The following SLC36A1 variants were observed in gnomAD, a reference collection of about 807,000 sequenced individuals.
SLC36A1 encodes proton-coupled amino acid transporter 1.
Under a neutral mutation model 47.5 loss-of-function variants are expected in SLC36A1, and 30 were observed. The observed-to-expected ratio is 0.63, with a 90% CI of 0.47 to 0.86. The LOEUF is 0.86. Among genes scored for constraint, SLC36A1 ranks in the 40% least tolerant of loss-of-function variants. SLC36A1 has a pLI of 0.00. For synonymous variants in SLC36A1, 255 were observed against 249.7 expected (o/e 1.02, Z -0.20); for missense variants, 517 against 606.0 (o/e 0.85, Z 1.54).
At chr5:151,351,655 T>TATC in the SLC36A1 span, among the ~76,000 whole-genome samples, 11 of 151,926 alleles carry the variant, frequency 7.2e-5, no homozygotes, top group African/African-American at 2.4e-4. Context: ...TAATGACAGT[T>TATC]ATCATCATCA....
At chr5:151,372,123 C>T in the SLC36A1 span, among the ~76,000 whole-genome samples, 13 of 152,244 alleles carry the variant, frequency 8.5e-5, no homozygotes, top group South Asian at 1.2e-3. Context: ...CCCTAGTTTC[C>T]GTAATTCCAA....
At chr5:151,456,095 T>C (rs1754459533) in intron 1 of SLC36A1, among the ~76,000 whole-genome samples, 1 of 152,244 alleles carries the variant, frequency 6.6e-6, no homozygotes, top group Non-Finnish European at 1.5e-5. Context: ...AAAAGTTTCT[T>C]TTCTTTCTCA....
chr5:151,355,013 C>T, the SLC36A1 span, among the ~76,000 whole-genome samples: 3 of 152,106 alleles, frequency 2.0e-5, no homozygotes, highest in Non-Finnish European at 2.9e-5. Flanking sequence ...CATGGTAAGT[C>T]CTCCCTACTG....
At chr5:151,386,910 T>C in the SLC36A1 span, among the ~76,000 whole-genome samples, 1 of 152,268 alleles carries the variant, frequency 6.6e-6, no homozygotes, top group African/African-American at 2.4e-5. Context: ...CTAACCAATG[T>C]GCTTCTCTTA....
At chr5:151,406,473 C>T in the SLC36A1 span, 11 of 152,382 alleles carry the variant, frequency 7.2e-5, no homozygotes, top group Admixed American at 2.6e-4. Flanking sequence ...ACTTCAGTAC[C>T]TTCAAAGGCA....
chr5:151,529,204 C>T, the SLC36A1 span: 7 of 1,614,002 alleles, frequency 4.3e-6, no homozygotes, highest in African/African-American at 8.0e-5. Context: ...CCCACAAGGG[C>T]ATTCTCTAAG....
the SLC36A1 span, chr5:151,347,201 G>T: frequency 6.8e-7 from 1 of 1,466,554 alleles, no homozygotes; most frequent in Non-Finnish European, 9.5e-7. Flanking sequence ...CATCTGCACA[G>T]TGGGTTGAGG....
intron 10 of SLC36A1, among the ~76,000 whole-genome samples, chr5:151,486,316 A>G (rs1759535186): frequency 6.6e-6 from 1 of 152,124 alleles, no homozygotes; most frequent in African/African-American, 2.4e-5. Context: ...ACTTCCCACC[A>G]GGCCCCACCT....
the SLC36A1 span, among the ~76,000 whole-genome samples, chr5:151,362,726 T>TCA: frequency 2.6e-5 from 4 of 152,208 alleles, no homozygotes; most frequent in African/African-American, 7.2e-5. Flanking sequence ...GACTCTCTGA[T>TCA]GAGTTTTTCA....
intron 7 of SLC36A1, among the ~76,000 whole-genome samples, chr5:151,469,686 A>G (rs887216710): frequency 8.5e-5 from 13 of 152,110 alleles, no homozygotes; most frequent in African/African-American, 3.1e-4. Flanking sequence ...TCCTAATTTC[A>G]TAGAGACTCC....
intron 9 of SLC36A1, 33 bp from the exon 10 acceptor site, chr5:151,479,287 C>G (rs1387110886): frequency 1.2e-6 from 2 of 1,606,790 alleles, no homozygotes; most frequent in African/African-American, 1.3e-5. Flanking sequence ...GTGTGCTGAG[C>G]AGGCTTGGAA....
At chr5:151,486,726 A>G (rs1228366796) in intron 10 of SLC36A1, among the ~76,000 whole-genome samples, 1 of 152,214 alleles carries the variant, frequency 6.6e-6, no homozygotes, top group African/African-American at 2.4e-5. Flanking sequence ...GAGGTAGTAG[A>G]TAAGCTCTGG....
At chr5:151,494,922 TA>T (rs1028349876), downstream of SLC36A1, among the ~76,000 whole-genome samples, 2 of 152,168 alleles carry the variant, frequency 1.3e-5, no homozygotes, top group Non-Finnish European at 2.9e-5. Flanking sequence ...TATTTAATTA[TA>T]AAAAAATTAC....
At chr5:151,459,030 C>CCTG in intron 2 of SLC36A1, 95 bp downstream of exon 2, 1 of 1,382,194 alleles carries the variant, frequency 7.2e-7, no homozygotes, top group Admixed American at 2.1e-5. Flanking sequence ...CAGTCCTCCA[C>CCTG]TTTACAGATG....
the SLC36A1 span, chr5:151,531,490 G>A: frequency 1.3e-6 from 2 of 1,492,432 alleles, no homozygotes; most frequent in East Asian, 2.3e-5. This position sits in a 1 kb window ranked among gnomAD's most constrained non-coding sequence, Gnocchi z 5.7. Context: ...TGCTCTGGGA[G>A]GCGCTGCACA....
the SLC36A1 span, among the ~76,000 whole-genome samples, chr5:151,516,564 T>C: frequency 6.6e-6 from 1 of 152,170 alleles, no homozygotes; most frequent in Non-Finnish European, 1.5e-5. Context: ...CTGATGCCCC[T>C]CCATTTTTTC....
At chr5:151,366,588 G>C in the SLC36A1 span, 1 of 200,912 alleles carries the variant, frequency 5.0e-6, no homozygotes, top group South Asian at 7.8e-5. Context: ...TGAGGGGCAG[G>C]GTGCTGCTGC....
chr5:151,494,465 C>T (rs1760283852), downstream of SLC36A1, among the ~76,000 whole-genome samples: 1 of 152,220 alleles, frequency 6.6e-6, no homozygotes, highest in South Asian at 2.1e-4. Context: ...ATCCCATCCT[C>T]ACACCACTCA....
At chr5:151,438,216 G>A (rs922814203) in intron 1 of SLC36A1, among the ~76,000 whole-genome samples, 6 of 152,182 alleles carry the variant, frequency 3.9e-5, no homozygotes, top group Non-Finnish European at 7.3e-5. Context: ...TTCACTGTGT[G>A]CCCGTTGTTC....
Sources: gnomAD v4.1 joint callset for allele counts (sites outside exome capture counted in the v4.1 genomes callset) on GRCh38, gnomAD v4.1.1 for gene constraint, Gnocchi (gnomAD v3.1) non-coding constraint, MANE v1.5 for transcripts, NCBI Gene and HGNC (gene_info 2026-07-23, HGNC 2026-07-21) for gene names.